The following DAAM1 variants were observed in gnomAD, a reference collection of about 807,000 sequenced individuals.
DAAM1 encodes the protein disheveled-associated activator of morphogenesis 1.
A neutral mutation model predicts 130.0 loss-of-function variants in DAAM1; 52 were observed. That is an observed-to-expected ratio of 0.40 (90% CI 0.32 to 0.50). The LOEUF (loss-of-function observed/expected upper bound fraction) is 0.50. Among genes scored for constraint, DAAM1 ranks in the 20% least tolerant of loss-of-function variants. The pLI is 0.61. For missense variants in DAAM1, 1,134 were observed against 1,303.8 expected, an observed-to-expected ratio of 0.87 and a Z score of 2.01; for synonymous variants, 452 against 444.5, an observed-to-expected ratio of 1.02 and a Z score of -0.21.
Position 59,322,991 on chromosome 14 carries a change from T to C in DAAM1, c.540T>C (p.Ser180=), listed in dbSNP as rs1017044466. The C allele has an allele frequency of 3.1e-6, 5 of 1,614,000 alleles. No individual in the cohort carries two copies. Among genetic ancestry groups the C allele is most frequent in the Non-Finnish European group, 3.4e-6 (4 of 1,180,006 alleles). ...CCTCAGAGTCTCGAATACATACTTC[T>C]CTCATTGGCTGTATAAAGGCGTTAA... ...YETSESRIHT[S]LIGCIKALMN... Residue 180 remains serine, a synonymous_variant, in exon 6 of 25, where the codon TCT becomes TCC. Coordinates refer to ENST00000360909, the MANE Select transcript of DAAM1 (RefSeq NM_001270520.2).
chr14:59,284,536 A>G (rs921368781), intron 2 of DAAM1, among the ~76,000 whole-genome samples: 1 of 152,184 alleles, frequency 6.6e-6, no homozygotes, highest in Non-Finnish European at 1.5e-5. Flanking sequence ...GCTCATTTAG[A>G]TACAAGAGAA....
At chr14:59,213,676 A>G (rs1046268770) in intron 1 of DAAM1, among the ~76,000 whole-genome samples, 29 of 152,220 alleles carry the variant, frequency 1.9e-4, no homozygotes, top group African/African-American at 6.8e-4. Context: ...GGGTATACGT[A>G]TATGTAAATG....
intron 1 of DAAM1, among the ~76,000 whole-genome samples, chr14:59,217,743 C>T (rs774198945): frequency 6.6e-6 from 1 of 151,886 alleles, no homozygotes; most frequent in African/African-American, 2.4e-5. Flanking sequence ...GAGGCCAAGG[C>T]GGGCGGATCA....
At chr14:59,210,474 G>T (rs1189309852) in intron 1 of DAAM1, among the ~76,000 whole-genome samples, 1 of 152,002 alleles carries the variant, frequency 6.6e-6, no homozygotes, top group Non-Finnish European at 1.5e-5. Flanking sequence ...AAATAAGCCA[G>T]CACTTTTCAT....
At chr14:59,356,168 T>G (rs1886473916) in intron 20 of DAAM1, among the ~76,000 whole-genome samples, 1 of 152,358 alleles carries the variant, frequency 6.6e-6, no homozygotes, top group South Asian at 2.1e-4. Context: ...AAGGTAAGCT[T>G]CTTCATACCC....
chr14:59,273,481 T>A (rs1036092239), intron 2 of DAAM1, among the ~76,000 whole-genome samples: 29 of 152,334 alleles, frequency 1.9e-4, no homozygotes, highest in Admixed American at 1.6e-3. Context: ...ATAATGCTGT[T>A]GACAAAATGG....
intron 9 of DAAM1, 113 bp from the exon 10 acceptor site, chr14:59,325,847 C>T: frequency 1.3e-6 from 2 of 1,517,922 alleles, no homozygotes; most frequent in Non-Finnish European, 1.8e-6. Context: ...ACTCAAAGCT[C>T]TATTTTGTTT....
At chr14:59,238,449 G>A (rs370644119) in intron 1 of DAAM1, among the ~76,000 whole-genome samples, 131 of 152,186 alleles carry the variant, frequency 8.6e-4, no homozygotes, top group African/African-American at 2.9e-3. Flanking sequence ...CAGCTAGGTC[G>A]TCAGCTCCAC....
intron 1 of DAAM1, among the ~76,000 whole-genome samples, chr14:59,208,779 T>TC (rs1435505218): frequency 1.3e-5 from 2 of 152,280 alleles, no homozygotes; most frequent in African/African-American, 4.8e-5. Context: ...GGTAGATCCC[T>TC]CATGAATGGC....
At chr14:59,245,867 A>C (rs1881346365) in intron 1 of DAAM1, among the ~76,000 whole-genome samples, 1 of 152,208 alleles carries the variant, frequency 6.6e-6, no homozygotes, top group Non-Finnish European at 1.5e-5. Context: ...AGTAAAGTGG[A>C]AAATTGCAGA....
intron 15 of DAAM1, among the ~76,000 whole-genome samples, chr14:59,333,415 A>G (rs1885515546): frequency 6.6e-6 from 1 of 152,234 alleles, no homozygotes; most frequent in Non-Finnish European, 1.5e-5. Context: ...TTCAAAGGAC[A>G]AAAGTTGTCT....
chr14:59,307,713 T>G lies in DAAM1; in HGVS notation c.274-7567T>G, dbSNP rs76676400. Among the ~76,000 whole-genome samples the G allele has an allele frequency of 9.1e-4, 139 of 152,220 alleles. 2 individuals are homozygous for G. The East Asian group carries it at 0.024, about 26-fold the overall frequency. ...AGGTATCAGGCTTCATATGCATACA[T>G]GGAAAAAATTCCTATGATATGTGAA... On this transcript the variant is annotated intron_variant, in intron 3 of 24. Transcript: ENST00000360909.
At chr14:59,222,157 G>C (rs1888793765) in intron 1 of DAAM1, among the ~76,000 whole-genome samples, 2 of 152,204 alleles carry the variant, frequency 1.3e-5, no homozygotes, top group Admixed American at 6.5e-5. Context: ...TATGATGGTA[G>C]GGAACATGGT....
In DAAM1 at chr14:59,359,496, G is replaced by C; in HGVS notation, c.2625G>C (p.Ala875=). 1 of 1,612,080 alleles carries C rather than the reference G, an allele frequency of 6.2e-7. No homozygotes were observed. Among genetic ancestry groups the C allele is most frequent in the South Asian group, 1.1e-5 (1 of 91,002 alleles). The change falls in exon 21 of 25, where the codon GCG becomes GCC. Residue 875 remains alanine, a synonymous_variant. Coordinates refer to ENST00000360909, the MANE Select transcript of DAAM1 (RefSeq NM_001270520.2). ...AATTGCGAGATATTCCTCAAGCTGC[G>C]AAAGTAAAGTAAGTACTTACAGTGA... ...NEELRDIPQA[A]KVNMTELDKE...
In DAAM1 at chr14:59,274,013, A is replaced by G. The variant is rs186538213; in HGVS notation, c.183+10353A>G. Among the ~76,000 whole-genome samples the G allele has an allele frequency of 2.0e-4, 31 of 152,318 alleles. 1 individual carries two copies. In the East Asian group the frequency reaches 3.3e-3, roughly 16 times the overall value. ...TTCCCCACTCCAACCTTCAATTCCC[A>G]GAATTCCTCTGGAATTTCAAGCTGT... is the stretch of plus-strand genomic sequence containing the variant. On this transcript the variant is annotated intron_variant, in intron 2 of 24. Coordinates refer to ENST00000360909, the MANE Select transcript of DAAM1 (RefSeq NM_001270520.2).
intron 1 of DAAM1, among the ~76,000 whole-genome samples, chr14:59,230,640 CA>C (rs1005858554): frequency 3.0e-4 from 45 of 150,764 alleles, no homozygotes; most frequent in African/African-American, 9.5e-4. Flanking sequence ...TTAATGGGTA[CA>C]AAAAAACTCA....
intron 2 of DAAM1, among the ~76,000 whole-genome samples, chr14:59,266,950 G>A (rs1313903361): frequency 6.6e-6 from 1 of 152,206 alleles, no homozygotes; most frequent in Non-Finnish European, 1.5e-5. Flanking sequence ...CCATCTTGCT[G>A]ATAGGGTTGG....
At chr14:59,304,486 A>G (rs1256030257) in intron 3 of DAAM1, among the ~76,000 whole-genome samples, 1 of 152,242 alleles carries the variant, frequency 6.6e-6, no homozygotes, top group Non-Finnish European at 1.5e-5. Context: ...AGAGTCTACC[A>G]AAGAATACCA....
chr14:59,275,851 C>T (rs970827893), intron 2 of DAAM1, among the ~76,000 whole-genome samples: 1 of 152,164 alleles, frequency 6.6e-6, no homozygotes, highest in Non-Finnish European at 1.5e-5. Context: ...ACATGTCTAT[C>T]AGACACAGAG....
Sources: allele counts gnomAD v4.1 joint callset (sites outside exome capture counted in the v4.1 genomes callset), GRCh38; gene constraint gnomAD v4.1.1; transcripts MANE v1.5; gene names NCBI Gene and HGNC (gene_info 2026-07-23, HGNC 2026-07-21).